The following UNC80 variants were observed in gnomAD, a reference collection of about 807,000 sequenced individuals.
UNC80 encodes the protein unc-80 subunit of NALCN channel complex, also known as protein unc-80 homolog.
UNC80 carries 164 observed loss-of-function variants against 384.6 expected under a neutral mutation model. The ratio of observed to expected loss-of-function variants is 0.43; its 90% CI spans 0.38 to 0.49. UNC80 has a LOEUF of 0.49. Ranked by LOEUF, UNC80 falls within the 20% of genes least tolerant of loss-of-function variation. The pLI, the probability that UNC80 is intolerant of heterozygous loss-of-function variation, is 0.00. For synonymous variants in UNC80, 1,486 were observed against 1,527.8 expected, an observed-to-expected ratio of 0.97 and a Z score of 0.64; for missense variants, 3,330 against 4,143.0, an observed-to-expected ratio of 0.80 and a Z score of 5.39.
In UNC80 at chr2:209,829,333, C is replaced by T. The variant is rs1484430370; in HGVS notation, c.2580C>T (p.Asp860=). The change falls in exon 15 of 65, where the codon GAC becomes GAT. Residue 860 remains aspartate (D), a synonymous_variant. Transcript: ENST00000673920. ...VNKDSLNNVV[D]FLHALLGFCM... ...AGGACTCTCTCAATAATGTAGTGGA[C>T]TTCTTGCATGCTTTGCTAGGATTTT... is the stretch of plus-strand genomic sequence containing the variant. The T allele has an allele frequency of 3.2e-6, 5 of 1,551,342 alleles. No individual in the cohort carries two copies. The highest frequency in any genetic ancestry group is 4.9e-5 in the East Asian group (2 of 40,910).
intron 35 of UNC80, among the ~76,000 whole-genome samples, chr2:209,925,904 G>A (rs1175349206): frequency 6.6e-6 from 1 of 152,172 alleles, no homozygotes; most frequent in African/African-American, 2.4e-5. Context: ...AAATAGTCAT[G>A]TAAGTTTTAA....
chr2:209,872,802 T>G lies in UNC80; in HGVS notation c.3672T>G (p.Ala1224=), dbSNP rs1235027034. 6.4e-7 allele frequency: 1 copy of G among 1,551,354 alleles called. No homozygotes were observed. Among genetic ancestry groups the G allele is most frequent in the African/African-American group, 1.4e-5 (1 of 73,014 alleles). Reference sequence around the variant, plus strand: ...GAGCAGCCTTGTTCCTGGAATGTGCTCGTTTTGTTCACCGCTGCAACCGTG... The same window carrying G: ...GAGCAGCCTTGTTCCTGGAATGTGCGCGTTTTGTTCACCGCTGCAACCGTG... ...VARAALFLEC[A]RFVHRCNRGN... is the part of the protein sequence containing the mutation. Residue 1224 remains alanine, a synonymous_variant, in exon 23 of 65, where the codon GCT becomes GCG. Coordinates refer to ENST00000673920, the MANE Select transcript of UNC80 (RefSeq NM_001371986.1). This position sits in a 1 kb window ranked among gnomAD's most constrained non-coding sequence, Gnocchi z 4.1.
chr2:209,975,160 G>A (rs147326460), intron 56 of UNC80, among the ~76,000 whole-genome samples: 2 of 152,184 alleles, frequency 1.3e-5, no homozygotes, highest in Admixed American at 1.3e-4. Context: ...ATGCACTTAA[G>A]AAAGATTTTT....
intron 43 of UNC80, 97 bp downstream of exon 43, chr2:209,939,749 G>T (rs200790683): frequency 8.6e-7 from 1 of 1,166,844 alleles, no homozygotes; most frequent in Non-Finnish European, 1.2e-6. Context: ...AAGTTTTAGG[G>T]TACATGTGCT....
chr2:209,774,451 C>G (rs564672528), intron 2 of UNC80, among the ~76,000 whole-genome samples: 6 of 152,010 alleles, frequency 3.9e-5, no homozygotes, highest in Non-Finnish European at 5.9e-5. Flanking sequence ...CACACAATAT[C>G]AAAAAGTTAC....
chr2:209,869,437 A>G (rs2084108921), intron 22 of UNC80, among the ~76,000 whole-genome samples: 1 of 152,154 alleles, frequency 6.6e-6, no homozygotes, highest in South Asian at 2.1e-4. Flanking sequence ...AAACTCAGCA[A>G]ACTTAATTAG....
At chr2:209,882,971 G>A (rs189651965) in intron 25 of UNC80, among the ~76,000 whole-genome samples, 17 of 152,200 alleles carry the variant, frequency 1.1e-4, no homozygotes, top group Admixed American at 3.9e-4. Context: ...GTTAGCAAGA[G>A]GAAAATTTTT....
intron 42 of UNC80, among the ~76,000 whole-genome samples, chr2:209,939,104 A>G (rs1421969990): frequency 1.3e-5 from 2 of 152,132 alleles, no homozygotes; most frequent in Non-Finnish European, 2.9e-5. Flanking sequence ...ATTGGTGGCA[A>G]TGGAACTGAC....
intron 22 of UNC80, among the ~76,000 whole-genome samples, chr2:209,861,867 G>C (rs879257010): frequency 1.1e-4 from 16 of 152,028 alleles, no homozygotes; most frequent in Non-Finnish European, 2.2e-4. Flanking sequence ...TTTCCGTGGG[G>C]TCAGTGGAGA....
chr2:209,921,678 A>G lies in UNC80; in HGVS notation c.5522A>G (p.Glu1841Gly). The change falls in exon 34 of 65, where the codon GAA becomes GGA. Residue 1841 changes from glutamate (E) to glycine (G), a missense_variant. Coordinates refer to ENST00000673920, the MANE Select transcript of UNC80 (RefSeq NM_001371986.1). Reference protein sequence around the residue: ...EPTCTPNSEPEEEVEEVTNLA... With the variant: ...EPTCTPNSEPGEEVEEVTNLA... ...ACATGCACGCCCAACTCAGAACCGG[A>G]AGAAGAAGGTGCCCTCTGCACACAG... 6.5e-7 allele frequency: 1 copy of G among 1,549,914 alleles called. No individual in the cohort carries two copies. Among genetic ancestry groups the G allele is most frequent in the Non-Finnish European group, 8.7e-7 (1 of 1,146,370 alleles).
At chr2:209,955,102 A>G (rs950293080) in intron 48 of UNC80, among the ~76,000 whole-genome samples, 3 of 152,062 alleles carry the variant, frequency 2.0e-5, no homozygotes, top group Non-Finnish European at 4.4e-5. Context: ...TCCCCAGGAT[A>G]GGGATGGGGA....
Position 209,772,045 on chromosome 2 carries a change from TG to T in UNC80, c.-27del. The T allele has an allele frequency of 6.6e-7, 1 of 1,518,802 alleles. No individual in the cohort carries two copies. The allele number at this position is 1,518,802 out of a possible 1,614,324, so 94.1% of individuals were successfully genotyped here. On this transcript the variant is annotated 5_prime_UTR_variant, in exon 1 of 65. An upstream open reading frame in the 5' UTR loses its in-frame stop. Transcript: ENST00000673920. ...CTAGCGAGGAGACAGAGCTGGGTCC[TG>T]CAGTAGGACTCCCGGGAGCCACCAT...
intron 61 of UNC80, among the ~76,000 whole-genome samples, chr2:209,985,715 G>T (rs917136469): frequency 6.6e-6 from 1 of 152,156 alleles, no homozygotes; most frequent in African/African-American, 2.4e-5. Flanking sequence ...TAGGGGTAAG[G>T]CTTCTTGTTC....
chr2:209,962,412 G>A (rs1007968686), intron 51 of UNC80, among the ~76,000 whole-genome samples: 2 of 152,088 alleles, frequency 1.3e-5, no homozygotes, highest in African/African-American at 4.8e-5. Flanking sequence ...ACAGTCTCCT[G>A]GTTGGTGTTT....
chr2:209,931,016 T>C lies in UNC80; in HGVS notation c.5956T>C (p.Phe1986Leu), dbSNP rs1479185480. Residue 1986 changes from phenylalanine (F) to leucine (L), a missense_variant, in exon 38 of 65, where the codon TTT becomes CTT. By Grantham distance (22) the Phe-to-Leu change is conservative (BLOSUM62 0). Coordinates refer to ENST00000673920, the MANE Select transcript of UNC80 (RefSeq NM_001371986.1). ...LRKLLLNIGD[F>L]PAQTSHILFN... Reference sequence around the variant, plus strand: ...CAAACTTCTCTTGAATATTGGAGACTTTCCTGCTCAGACATCTCACATCCT... The same window carrying C: ...CAAACTTCTCTTGAATATTGGAGACCTTCCTGCTCAGACATCTCACATCCT... 6.4e-7 allele frequency: 1 copy of C among 1,550,874 alleles called. No homozygotes were observed. Among genetic ancestry groups the C allele is most frequent in the Non-Finnish European group, 8.7e-7 (1 of 1,146,464 alleles).
intron 7 of UNC80, among the ~76,000 whole-genome samples, chr2:209,804,334 C>T (rs1376357743): frequency 6.6e-6 from 1 of 152,128 alleles, no homozygotes; most frequent in Non-Finnish European, 1.5e-5. Flanking sequence ...TATTCCTGCC[C>T]ATGGTTCTTG....
At chr2:209,924,567 TGAC>T (rs2090281825) in intron 35 of UNC80, among the ~76,000 whole-genome samples, 1 of 151,710 alleles carries the variant, frequency 6.6e-6, no homozygotes, top group South Asian at 2.1e-4. Context: ...ACATGAGAGA[TGAC>T]GAATTTCTCA....
intron 22 of UNC80, among the ~76,000 whole-genome samples, chr2:209,855,977 T>C (rs1226998998): frequency 3.3e-5 from 5 of 152,116 alleles, no homozygotes; most frequent in African/African-American, 1.2e-4. Flanking sequence ...TCTCTATTCA[T>C]ATATAGTTTC....
At chr2:209,830,075 A>G (rs2080844643) in intron 15 of UNC80, among the ~76,000 whole-genome samples, 1 of 152,242 alleles carries the variant, frequency 6.6e-6, no homozygotes, top group South Asian at 2.1e-4. Flanking sequence ...TAATGCATGA[A>G]GCCTGAGTTG....
Sources: gnomAD v4.1 joint callset for allele counts (sites outside exome capture counted in the v4.1 genomes callset) on GRCh38, gnomAD v4.1.1 for gene constraint, Gnocchi (gnomAD v3.1) non-coding constraint, MANE v1.5 for transcripts, NCBI Gene and HGNC (gene_info 2026-07-23, HGNC 2026-07-21) for gene names.